The following DIAPH2 variants were observed in gnomAD, a reference collection of about 807,000 sequenced individuals.
The protein encoded by DIAPH2 is diaphanous related formin 2.
Under a neutral mutation model 92.7 loss-of-function variants are expected in DIAPH2, and 35 were observed. That is an observed-to-expected ratio of 0.38 (90% CI 0.29 to 0.50). DIAPH2 has a LOEUF of 0.50. Ranked by LOEUF, DIAPH2 falls within the 20% of genes least tolerant of loss-of-function variation. DIAPH2 has a pLI of 0.94. For missense variants in DIAPH2, 701 were observed against 819.5 expected (o/e 0.86, Z 1.77); for synonymous variants, 301 against 280.4 (o/e 1.07, Z -0.73).
At chrX:96,932,679 G>A (rs1430425806) in intron 10 of DIAPH2, among the ~76,000 whole-genome samples, 4 of 110,825 alleles carry the variant, frequency 3.6e-5, no homozygotes, top group Non-Finnish European at 7.6e-5. Context: ...ATATATTTGT[G>A]TGGTAAAATT....
chrX:96,779,842 C>G (rs1747443412), intron 4 of DIAPH2, among the ~76,000 whole-genome samples: 1 of 112,360 alleles, frequency 8.9e-6, no homozygotes, highest in Non-Finnish European at 1.9e-5. Context: ...AAAAGCTGTT[C>G]ACCTTAGGCT....
intron 17 of DIAPH2, among the ~76,000 whole-genome samples, chrX:97,002,122 G>A (rs1407431721): frequency 8.2e-5 from 9 of 110,344 alleles, no homozygotes; most frequent in Non-Finnish European, 1.5e-4. Context: ...TCACTCAGTA[G>A]GTCAAATCTA....
At chrX:97,060,611 T>C (rs1325988744) in intron 17 of DIAPH2, among the ~76,000 whole-genome samples, 1 of 111,960 alleles carries the variant, frequency 8.9e-6, no homozygotes, top group Admixed American at 9.5e-5. Context: ...AAACATTGCA[T>C]TCATCTTATA....
intron 21 of DIAPH2, among the ~76,000 whole-genome samples, chrX:97,133,445 G>C (rs982125278): frequency 9.0e-6 from 1 of 111,470 alleles, no homozygotes; most frequent in South Asian, 3.8e-4. Flanking sequence ...GTGCCACCAC[G>C]CCTAGCTAAT....
At chrX:97,178,016 C>T (rs1424346726) in intron 22 of DIAPH2, among the ~76,000 whole-genome samples, 3 of 111,300 alleles carry the variant, frequency 2.7e-5, no homozygotes, top group African/African-American at 9.8e-5. Flanking sequence ...CAAGATGAGC[C>T]TGGGCAACAT....
chrX:97,287,393 C>T (rs1907955632), intron 23 of DIAPH2, among the ~76,000 whole-genome samples: 1 of 111,387 alleles, frequency 9.0e-6, no homozygotes, highest in Non-Finnish European at 1.9e-5. Flanking sequence ...AGCTGATACA[C>T]GTTTTTCTAT....
chrX:97,464,908 G>T (rs758103916), intron 26 of DIAPH2, among the ~76,000 whole-genome samples: 50 of 111,600 alleles, frequency 4.5e-4, no homozygotes, highest in Non-Finnish European at 7.5e-4. Flanking sequence ...GAGTGCAATG[G>T]CACAATCTTG....
intron 26 of DIAPH2, among the ~76,000 whole-genome samples, chrX:97,510,561 G>A (rs1282489456): frequency 3.8e-5 from 4 of 105,369 alleles, no homozygotes; most frequent in Non-Finnish European, 5.9e-5. Flanking sequence ...TGCTTTTGGT[G>A]TTTTAGACAT....
intron 26 of DIAPH2, among the ~76,000 whole-genome samples, chrX:97,468,651 A>C (rs1007968168): frequency 5.4e-5 from 6 of 111,197 alleles, no homozygotes; most frequent in Non-Finnish European, 7.5e-5. Flanking sequence ...AAAAAAAAAA[A>C]AAAACATCGT....
chrX:97,331,134 C>A (rs1192526552), intron 23 of DIAPH2, among the ~76,000 whole-genome samples: 1 of 111,328 alleles, frequency 9.0e-6, no homozygotes, highest in Non-Finnish European at 1.9e-5. Context: ...ATCCATGTCA[C>A]AAACTGAACA....
At chrX:97,323,925 A>T (rs890594199) in intron 23 of DIAPH2, among the ~76,000 whole-genome samples, 1 of 108,721 alleles carries the variant, frequency 9.2e-6, no homozygotes, top group Non-Finnish European at 1.9e-5. Context: ...AAAAAAAAAA[A>T]TAAGTAAGCT....
At chrX:96,690,614 T>A (rs1569366639) in intron 1 of DIAPH2, among the ~76,000 whole-genome samples, 1 of 111,906 alleles carries the variant, frequency 8.9e-6, no homozygotes, top group Non-Finnish European at 1.9e-5. Flanking sequence ...CTCTCCCCAA[T>A]ACCATTTGTC....
At chrX:96,751,656 T>TTTTTTG (rs2064191384) in intron 3 of DIAPH2, among the ~76,000 whole-genome samples, 1 of 73,191 alleles carries the variant, frequency 1.4e-5, no homozygotes, top group African/African-American at 4.6e-5. Context: ...TGTTTTGTTT[T>TTTTTTG]TTTTTTTTTT....
chrX:97,512,455 A>C (rs1358783045), intron 26 of DIAPH2, among the ~76,000 whole-genome samples: 1 of 112,230 alleles, frequency 8.9e-6, no homozygotes, highest in Non-Finnish European at 1.9e-5. Context: ...CCTTTTAAAA[A>C]ACCAGCTCCT....
chrX:96,788,245 A>T (rs992342949), intron 4 of DIAPH2, among the ~76,000 whole-genome samples: 1 of 111,930 alleles, frequency 8.9e-6, no homozygotes, highest in East Asian at 2.8e-4. Flanking sequence ...GGCAGAGATC[A>T]TGAGTTACAT....
At chrX:97,272,358 ATAACCT>A (rs368970371) in intron 23 of DIAPH2, among the ~76,000 whole-genome samples, 257 of 112,174 alleles carry the variant, frequency 2.3e-3, no homozygotes, top group African/African-American at 7.7e-3. Context: ...CTCATCTGGC[ATAACCT>A]TAACATCACG....
intron 26 of DIAPH2, among the ~76,000 whole-genome samples, chrX:97,506,785 C>T (rs1315469976): frequency 9.0e-6 from 1 of 111,165 alleles, no homozygotes; most frequent in Non-Finnish European, 1.9e-5. Flanking sequence ...TTTTCTTATC[C>T]AGTAGTTCTT....
Position 96,719,703 on chromosome X carries a change from C to T in DIAPH2, c.133-16055C>T, listed in dbSNP as rs942801477. Reference sequence around the variant, plus strand: ...GTTACTATAGCTCTATAGTATAATTCGAAGTCAGGTAATCTGATGCTTTCG... The same window carrying T: ...GTTACTATAGCTCTATAGTATAATTTGAAGTCAGGTAATCTGATGCTTTCG... On this transcript the variant is annotated intron_variant, in intron 1 of 26. Transcript: ENST00000324765. 9.0e-5 allele frequency among the ~76,000 whole-genome samples: 10 copies of T among 111,176 alleles called. 1 individual carries two copies. In the South Asian group the frequency reaches 2.7e-3, roughly 30 times the overall value.
rs1347019955 is a variant in DIAPH2, at chrX:96,820,278, T to C, written c.448-61301T>C. On this transcript the variant is annotated intron_variant, in intron 4 of 26. Coordinates refer to ENST00000324765, the MANE Select transcript of DIAPH2 (RefSeq NM_006729.5). ...TGAGGCCAGGAGTTCGAGACCAGCCTGGCCAATGTGGCGAAATCCCATCTC... is the reference window on the plus strand; with the variant it reads ...TGAGGCCAGGAGTTCGAGACCAGCCCGGCCAATGTGGCGAAATCCCATCTC... Among the ~76,000 whole-genome samples, 8 of 112,076 alleles carry C rather than the reference T, an allele frequency of 7.1e-5. No homozygotes were observed. In the Admixed American group the frequency reaches 7.5e-4, roughly 11 times the overall value.
Sources: gnomAD v4.1 joint callset for allele counts (sites outside exome capture counted in the v4.1 genomes callset) on GRCh38, gnomAD v4.1.1 for gene constraint, MANE v1.5 for transcripts, NCBI Gene and HGNC (gene_info 2026-07-23, HGNC 2026-07-21) for gene names.